Variants in TMTC2 observed in about 807,000 individuals in gnomAD.
TMTC2 encodes the protein protein O-mannosyl-transferase TMTC2.
Under a neutral mutation model 82.4 loss-of-function variants are expected in TMTC2, and 43 were observed. The observed-to-expected ratio is 0.52, with a 90% CI of 0.41 to 0.67. The LOEUF (loss-of-function observed/expected upper bound fraction) is 0.67, where lower values mean the gene tolerates loss of function less well. Among genes scored for constraint, TMTC2 ranks in the 30% least tolerant of loss-of-function variants. The pLI is 0.00. For missense variants in TMTC2, 919 were observed against 1,012.4 expected, an observed-to-expected ratio of 0.91 and a Z score of 1.25; for synonymous variants, 408 against 381.9, an observed-to-expected ratio of 1.07 and a Z score of -0.80.
At chr12:82,814,670 G>A (rs1469451199) in intron 1 of TMTC2, among the ~76,000 whole-genome samples, 4 of 152,136 alleles carry the variant, frequency 2.6e-5, no homozygotes, top group Non-Finnish European at 4.4e-5. Context: ...AAAAGACAGG[G>A]TGTTCCTTAA....
At chr12:83,092,659 G>A (rs942350876) in intron 11 of TMTC2, among the ~76,000 whole-genome samples, 16 of 152,074 alleles carry the variant, frequency 1.1e-4, no homozygotes, top group Non-Finnish European at 4.4e-5. Flanking sequence ...GTGTATAATA[G>A]GTTGTTTTGC....
chr12:82,904,347 A>G (rs997119259), intron 3 of TMTC2, among the ~76,000 whole-genome samples: 1 of 152,206 alleles, frequency 6.6e-6, no homozygotes, highest in Non-Finnish European at 1.5e-5. Context: ...AACAGTATGC[A>G]TTAAAACTGC....
chr12:82,882,731 G>A (rs934597934), intron 2 of TMTC2, among the ~76,000 whole-genome samples: 2 of 152,054 alleles, frequency 1.3e-5, no homozygotes, highest in African/African-American at 4.8e-5. Context: ...GAAACTGATG[G>A]ATGCTTTCCT....
chr12:83,116,119 T>G (rs1219998974), intron 11 of TMTC2, among the ~76,000 whole-genome samples: 2 of 152,332 alleles, frequency 1.3e-5, no homozygotes, highest in African/African-American at 2.4e-5. Context: ...TGTGTCATTC[T>G]TACGCCTTTG....
chr12:83,046,980 G>T (rs60173644), intron 9 of TMTC2, among the ~76,000 whole-genome samples: 12,854 of 152,166 alleles, frequency 0.084, 1,360 homozygotes, highest in East Asian at 0.24. Context: ...GTTGGAAACT[G>T]GTCTAAGAAG....
At chr12:82,707,208 A>G (rs1383824537) in intron 1 of TMTC2, among the ~76,000 whole-genome samples, 1 of 152,174 alleles carries the variant, frequency 6.6e-6, no homozygotes, top group East Asian at 1.9e-4. Flanking sequence ...TTCCTTGTTC[A>G]AAGTGGCTTT....
At chr12:83,033,321 G>T (rs1881517065) in intron 9 of TMTC2, among the ~76,000 whole-genome samples, 1 of 152,154 alleles carries the variant, frequency 6.6e-6, no homozygotes, top group Non-Finnish European at 1.5e-5. Context: ...GAACTGTAAA[G>T]TTCTGTTAAA....
At chr12:83,119,565 T>C (rs1228986900) in intron 11 of TMTC2, among the ~76,000 whole-genome samples, 1 of 152,204 alleles carries the variant, frequency 6.6e-6, no homozygotes, top group Non-Finnish European at 1.5e-5. Context: ...TGGGCTATCA[T>C]ATGGTCTGTC....
chr12:82,768,050 G>C (rs1000795457), intron 1 of TMTC2, among the ~76,000 whole-genome samples: 4 of 140,520 alleles, frequency 2.8e-5, no homozygotes, highest in African/African-American at 8.2e-5. Flanking sequence ...CCTATCAAGA[G>C]GTCTGCTCAG....
intron 1 of TMTC2, among the ~76,000 whole-genome samples, chr12:82,746,631 T>C (rs1490822236): frequency 6.6e-6 from 1 of 152,172 alleles, no homozygotes; most frequent in Non-Finnish European, 1.5e-5. Context: ...CCAGGCCCTA[T>C]TGCAAAGGGA....
intron 9 of TMTC2, among the ~76,000 whole-genome samples, chr12:83,045,719 A>ACACACACG: frequency 8.0e-6 from 1 of 124,302 alleles, no homozygotes; most frequent in East Asian, 2.1e-4. Flanking sequence ...ACACACACAC[A>ACACACACG]CACACACGCA....
intron 1 of TMTC2, among the ~76,000 whole-genome samples, chr12:82,802,396 C>T (rs910649546): frequency 2.6e-5 from 4 of 152,294 alleles, no homozygotes; most frequent in African/African-American, 9.6e-5. Flanking sequence ...GGGGCTCCCA[C>T]AGTGCAGTGG....
intron 2 of TMTC2, among the ~76,000 whole-genome samples, chr12:82,875,864 G>A (rs1425432658): frequency 7.8e-6 from 1 of 127,720 alleles, no homozygotes; most frequent in Non-Finnish European, 1.6e-5. Context: ...TAGTATAAAA[G>A]TTAAGCACTT....
rs545011451 is a variant in TMTC2, at chr12:82,862,862, T to C, written c.654+5282T>C. On this transcript the variant is annotated intron_variant, in intron 2 of 11. Coordinates refer to ENST00000321196, the MANE Select transcript of TMTC2 (RefSeq NM_152588.3). ...TCCAAACCATTTATAGTAGGGTTTATCTTGAGAATAATTTCTGAGGGTGGG... is the reference window on the plus strand; with the variant it reads ...TCCAAACCATTTATAGTAGGGTTTACCTTGAGAATAATTTCTGAGGGTGGG... Among the ~76,000 whole-genome samples the C allele has an allele frequency of 4.6e-5, 7 of 152,328 alleles. No homozygotes were observed. In the South Asian group the frequency reaches 1.4e-3, roughly 32 times the overall value.
intron 11 of TMTC2, among the ~76,000 whole-genome samples, chr12:83,079,028 ATATATG>A (rs1250238317): frequency 6.6e-6 from 1 of 152,194 alleles, no homozygotes; most frequent in African/African-American, 2.4e-5. Flanking sequence ...TTTACAAAAT[ATATATG>A]TATAAGCTAC....
intron 11 of TMTC2, among the ~76,000 whole-genome samples, chr12:83,107,911 G>T (rs895572955): frequency 2.6e-5 from 4 of 151,982 alleles, no homozygotes; most frequent in Non-Finnish European, 5.9e-5. Flanking sequence ...GGAGGGGCCC[G>T]GTGGGAGGTG....
At chr12:82,701,214 T>C (rs1873060887) in intron 1 of TMTC2, among the ~76,000 whole-genome samples, 1 of 152,188 alleles carries the variant, frequency 6.6e-6, no homozygotes, top group Non-Finnish European at 1.5e-5. Flanking sequence ...TAATGACATA[T>C]CTTAAAAAAT....
chr12:83,038,048 A>G (rs1881733733), intron 9 of TMTC2, among the ~76,000 whole-genome samples: 1 of 150,152 alleles, frequency 6.7e-6, no homozygotes, highest in Non-Finnish European at 1.5e-5. Context: ...CAAAAAACCA[A>G]ACACCACATG....
chr12:83,044,819 T>C (rs1414569218), intron 9 of TMTC2, among the ~76,000 whole-genome samples: 1 of 152,374 alleles, frequency 6.6e-6, no homozygotes, highest in East Asian at 1.9e-4. Flanking sequence ...TTTAGCTCTT[T>C]AGTTGCATTG....
Sources: allele counts gnomAD v4.1 joint callset (sites outside exome capture counted in the v4.1 genomes callset), GRCh38; gene constraint gnomAD v4.1.1; transcripts MANE v1.5; gene names NCBI Gene and HGNC (gene_info 2026-07-23, HGNC 2026-07-21).